Variants in RNF144A observed in about 807,000 individuals in gnomAD.
RNF144A encodes E3 ubiquitin-protein ligase RNF144A.
Under a neutral mutation model 38.7 loss-of-function variants are expected in RNF144A, and 11 were observed. That is an observed-to-expected ratio of 0.28 (90% CI 0.18 to 0.47). The LOEUF is 0.47. Among genes scored for constraint, RNF144A ranks in the 20% least tolerant of loss-of-function variants. The probability of loss-of-function intolerance (pLI) is 0.99; values close to 1 mark genes in which losing one functional copy is unlikely to be tolerated. For missense variants in RNF144A, 316 were observed against 377.2 expected (o/e 0.84, Z 1.34); for synonymous variants, 149 against 143.9 (o/e 1.04, Z -0.25).
At position 7,039,921 on chromosome 2, in the gene RNF144A, C is replaced by T; in HGVS notation, c.*161C>T. 7.0e-7 allele frequency: 1 copy of T among 1,429,854 alleles called. No homozygotes were observed. The highest frequency in any genetic ancestry group is 9.1e-7 in the Non-Finnish European group (1 of 1,093,118). The allele number at this position is 1,429,854 out of a possible 1,614,324, so 88.6% of individuals were successfully genotyped here. A position where few individuals can be genotyped will look rare whatever the true frequency, so the allele number is the denominator to read the frequency against. On this transcript the variant is annotated 3_prime_UTR_variant, in exon 9 of 9. Coordinates refer to ENST00000320892, the MANE Select transcript of RNF144A (RefSeq NM_014746.6). ...GCCGTGATTTCAGGGACCTATGTCA[C>T]AATGTTCGCTGAGGCCCCAGGTGTG...
chr2:7,007,326 C>T (rs1670512076), intron 3 of RNF144A, among the ~76,000 whole-genome samples: 1 of 152,176 alleles, frequency 6.6e-6, no homozygotes, highest in Non-Finnish European at 1.5e-5. Flanking sequence ...TCAGATCTTC[C>T]CAACAGAGGC....
At chr2:7,001,301 A>G (rs1420490556) in intron 3 of RNF144A, among the ~76,000 whole-genome samples, 1 of 151,910 alleles carries the variant, frequency 6.6e-6, no homozygotes, top group Non-Finnish European at 1.5e-5. Flanking sequence ...ACTCCATCTC[A>G]ATAAATAAAT....
intron 2 of RNF144A, among the ~76,000 whole-genome samples, chr2:6,992,008 C>T (rs984489117): frequency 6.6e-6 from 1 of 152,158 alleles, no homozygotes; most frequent in Non-Finnish European, 1.5e-5. Context: ...TGGTAGACCT[C>T]CAAAGCCACA....
intron 8 of RNF144A, among the ~76,000 whole-genome samples, chr2:7,038,174 C>A (rs1476695173): frequency 6.6e-6 from 1 of 152,228 alleles, no homozygotes; most frequent in South Asian, 2.1e-4. Context: ...CCAGGAAGGA[C>A]AGGGGGCCAG....
chr2:7,011,024 T>A (rs1670763401), intron 3 of RNF144A, among the ~76,000 whole-genome samples: 1 of 152,070 alleles, frequency 6.6e-6, no homozygotes, highest in African/African-American at 2.4e-5. Context: ...GTTCTCGGGG[T>A]TGACTGACAC....
At chr2:7,033,866 G>A (rs746751407) in intron 8 of RNF144A, among the ~76,000 whole-genome samples, 4 of 152,334 alleles carry the variant, frequency 2.6e-5, no homozygotes, top group Admixed American at 6.5e-5. Flanking sequence ...AGTAGTGCAC[G>A]GGCAAAATCG....
intron 2 of RNF144A, among the ~76,000 whole-genome samples, chr2:6,953,410 C>T (rs543182648): frequency 6.6e-6 from 1 of 152,298 alleles, no homozygotes; most frequent in South Asian, 2.1e-4. Context: ...GTCTGGGAAA[C>T]AAGAGCAAAA....
rs114313049 is a variant in RNF144A, at chr2:7,050,434, T to C, written c.735-17782T>C. Among the ~76,000 whole-genome samples the C allele has an allele frequency of 9.0e-3, 1,369 of 152,296 alleles. 23 individuals are homozygous for C. The highest frequency in any genetic ancestry group is 0.032 in the African/African-American group (1,310 of 41,556). Reference sequence around the variant, plus strand: ...GAGTCAGTTAAACCTTTTTTCCTTATAAATGCCTCAGCCTTGGGTATGTCT... The same window carrying C: ...GAGTCAGTTAAACCTTTTTTCCTTACAAATGCCTCAGCCTTGGGTATGTCT... On this transcript the variant is annotated intron_variant, in intron 6 of 6. Coordinates refer to the RNF144A transcript ENST00000432850.
At chr2:7,038,875 T>C (rs1672856696) in intron 8 of RNF144A, among the ~76,000 whole-genome samples, 1 of 151,016 alleles carries the variant, frequency 6.6e-6, no homozygotes, top group African/African-American at 2.4e-5. Context: ...GGTGGATGGA[T>C]GCATGGATGA....
Position 7,020,466 on chromosome 2 carries a change from G to A in RNF144A, c.302-7G>A. ...TTTGATTTGTCCATTTTGTCTCACT[G>A]TACCAGAGGTGCTGTTTGATCCCTG... On this transcript the variant is annotated splice_polypyrimidine_tract_variant and splice_region_variant and intron_variant, in intron 5 of 8. Coordinates refer to ENST00000320892, the MANE Select transcript of RNF144A (RefSeq NM_014746.6). 6.2e-7 allele frequency: 1 copy of A among 1,613,002 alleles called. No homozygotes were observed. The highest frequency in any genetic ancestry group is 1.1e-5 in the South Asian group (1 of 91,062).
chr2:7,013,647 G>A (rs764177417), intron 3 of RNF144A, among the ~76,000 whole-genome samples: 24 of 152,164 alleles, frequency 1.6e-4, no homozygotes, highest in East Asian at 7.7e-4. Flanking sequence ...GGCAAAGGCC[G>A]TATTGTTTCT....
intron 2 of RNF144A, among the ~76,000 whole-genome samples, chr2:6,965,416 T>G (rs1667604784): frequency 1.3e-5 from 2 of 152,222 alleles, no homozygotes; most frequent in African/African-American, 4.8e-5. Context: ...CCCTCCCGTG[T>G]ACGGAGAGCA....
chr2:6,939,640 T>G (rs1013418898), intron 1 of RNF144A, among the ~76,000 whole-genome samples: 4 of 152,188 alleles, frequency 2.6e-5, no homozygotes, highest in African/African-American at 9.7e-5. Flanking sequence ...AAGAAACCAT[T>G]TCTTCATCTG....
Position 6,955,369 on chromosome 2 carries a change from TC to T in RNF144A, c.-12+14226del, listed in dbSNP as rs557239175. On this transcript the variant is annotated intron_variant, in intron 2 of 8. Coordinates refer to ENST00000320892, the MANE Select transcript of RNF144A (RefSeq NM_014746.6). ...TCAACTAAGGCTTCCCCTCTGTGGT[TC>T]CCCTCTGTGAAACCCACAAGAACAT... 1.6e-4 allele frequency among the ~76,000 whole-genome samples: 25 copies of T among 152,220 alleles called. No individual in the cohort carries two copies. In the South Asian group the frequency reaches 5.2e-3, roughly 32 times the overall value.
Position 6,945,251 on chromosome 2 carries a change from G to A in RNF144A, c.-12+4104G>A, listed in dbSNP as rs567076920. On this transcript the variant is annotated intron_variant, in intron 2 of 8. Coordinates refer to ENST00000320892, the MANE Select transcript of RNF144A (RefSeq NM_014746.6). Reference sequence around the variant, plus strand: ...CTTGCTCTAGTTCCTCCTGGTTTCAGAGTTCCTAATGTGTAGAAATGAGCA... The same window carrying A: ...CTTGCTCTAGTTCCTCCTGGTTTCAAAGTTCCTAATGTGTAGAAATGAGCA... Among the ~76,000 whole-genome samples, 5 of 152,348 alleles carry A rather than the reference G, an allele frequency of 3.3e-5. No homozygotes were observed. The South Asian group carries it at 8.3e-4, about 25-fold the overall frequency.
chr2:6,949,378 C>T (rs1666534322), intron 2 of RNF144A, among the ~76,000 whole-genome samples: 1 of 148,206 alleles, frequency 6.7e-6, no homozygotes, highest in Non-Finnish European at 1.5e-5. Context: ...ACAGTTCCCT[C>T]CCCTCCCCTC....
At chr2:6,975,194 C>A (rs1668234930) in intron 2 of RNF144A, among the ~76,000 whole-genome samples, 2 of 152,200 alleles carry the variant, frequency 1.3e-5, no homozygotes, top group African/African-American at 4.8e-5. Context: ...AAAGGCACAT[C>A]TCACATGGTG....
intron 2 of RNF144A, among the ~76,000 whole-genome samples, chr2:6,975,296 G>A (rs980326994): frequency 6.6e-6 from 1 of 152,070 alleles, no homozygotes; most frequent in Non-Finnish European, 1.5e-5. Context: ...AGAACAGCAC[G>A]GGAAAGACCT....
rs1673054096 is a variant in RNF144A at position 7,041,712 on chromosome 2, C to G, written c.*1952C>G. 1.0e-6 allele frequency: 1 copy of G among 985,384 alleles called. No individual in the cohort carries two copies. Among genetic ancestry groups the G allele is most frequent in the Admixed American group, 6.1e-5 (1 of 16,266 alleles). The allele number at this position is 985,384 out of a possible 1,614,324, so 61.0% of individuals were successfully genotyped here. On this transcript the variant is annotated 3_prime_UTR_variant, in exon 9 of 9. Coordinates refer to ENST00000320892, the MANE Select transcript of RNF144A (RefSeq NM_014746.6). ...CAGCACACATGGGAGGCCTGTGGCC[C>G]TGTGTCCAGTGGCCCACAGGACACG...
Sources: allele counts gnomAD v4.1 joint callset (sites outside exome capture counted in the v4.1 genomes callset), GRCh38; gene constraint gnomAD v4.1.1; transcripts MANE v1.5; gene names NCBI Gene and HGNC (gene_info 2026-07-23, HGNC 2026-07-21).